Variants in SHTN1 observed in about 807,000 individuals in gnomAD.
SHTN1 encodes shootin 1.
SHTN1 carries 42 observed loss-of-function variants against 83.1 expected under a neutral mutation model. That is an observed-to-expected ratio of 0.51 (90% CI 0.39 to 0.65). SHTN1 has a LOEUF of 0.65. Among genes scored for constraint, SHTN1 ranks in the 30% least tolerant of loss-of-function variants. SHTN1 has a pLI of 0.00. For synonymous variants in SHTN1, 224 were observed against 247.7 expected (o/e 0.90, Z 0.90); for missense variants, 622 against 737.8 (o/e 0.84, Z 1.82).
At chr10:117,034,310 T>A (rs994055097) in intron 2 of SHTN1, among the ~76,000 whole-genome samples, 3 of 152,156 alleles carry the variant, frequency 2.0e-5, no homozygotes, top group African/African-American at 7.2e-5. Flanking sequence ...GTTCTAATAG[T>A]TTTTTGGTAA....
At chr10:117,113,544 T>C (rs1341068105) in intron 1 of SHTN1, among the ~76,000 whole-genome samples, 1 of 136,080 alleles carries the variant, frequency 7.3e-6, no homozygotes, top group Non-Finnish European at 1.7e-5. Flanking sequence ...TTGACCATCA[T>C]TAAGACCTTC....
At chr10:117,025,533 G>T (rs1052993117) in intron 2 of SHTN1, among the ~76,000 whole-genome samples, 10 of 152,136 alleles carry the variant, frequency 6.6e-5, no homozygotes, top group African/African-American at 2.2e-4. Flanking sequence ...CTGAACTGGT[G>T]GTAGGGGTTG....
intron 1 of SHTN1, 134 bp from the exon 2 acceptor site, chr10:116,979,442 C>A: frequency 2.9e-6 from 2 of 694,842 alleles, no homozygotes; most frequent in Non-Finnish European, 5.0e-6. Context: ...AGAAAAGGGG[C>A]TTCTGCTTTT....
intron 3 of SHTN1, among the ~76,000 whole-genome samples, chr10:116,965,130 G>T (rs1342669383): frequency 6.6e-6 from 1 of 152,204 alleles, no homozygotes; most frequent in Non-Finnish European, 1.5e-5. Context: ...TGGACATATG[G>T]ATAAAAACAT....
intron 9 of SHTN1, among the ~76,000 whole-genome samples, chr10:116,940,192 T>G (rs1849317150): frequency 6.6e-6 from 1 of 152,226 alleles, no homozygotes; most frequent in Non-Finnish European, 1.5e-5. Flanking sequence ...AAGCTGTTTT[T>G]AAGTTATACC....
intron 3 of SHTN1, among the ~76,000 whole-genome samples, chr10:116,962,918 G>A (rs955341355): frequency 1.3e-5 from 2 of 151,844 alleles, no homozygotes; most frequent in South Asian, 4.2e-4. Flanking sequence ...TATTTCAAAG[G>A]GTGATTATAT....
upstream of SHTN1, among the ~76,000 whole-genome samples, chr10:117,008,775 A>G (rs1164986359): frequency 1.3e-5 from 2 of 152,250 alleles, no homozygotes; most frequent in Non-Finnish European, 2.9e-5. Flanking sequence ...AAATTTTCTA[A>G]AATTAATTGT....
At chr10:116,959,532 T>C (rs1850103406) in intron 4 of SHTN1, among the ~76,000 whole-genome samples, 3 of 152,138 alleles carry the variant, frequency 2.0e-5, no homozygotes, top group African/African-American at 7.2e-5. Flanking sequence ...CAGATGCATT[T>C]TACCCAACCC....
intron 1 of SHTN1, among the ~76,000 whole-genome samples, chr10:117,086,040 C>A (rs149268382): frequency 0.015 from 2,318 of 151,790 alleles, 68 homozygotes; most frequent in African/African-American, 0.053. Flanking sequence ...CCTGCCTCAG[C>A]CTCCTGAGTA....
chr10:116,909,989 A>T (rs1467042246), intron 14 of SHTN1, among the ~76,000 whole-genome samples: 1 of 152,092 alleles, frequency 6.6e-6, no homozygotes, highest in Non-Finnish European at 1.5e-5. Flanking sequence ...TGAGGTTGGG[A>T]CCATGTGCTT....
chr10:116,900,724 T>C (rs952124119), intron 16 of SHTN1: 5 of 984,304 alleles, frequency 5.1e-6, no homozygotes, highest in African/African-American at 3.5e-5. Context: ...ATAGATCATC[T>C]TTCTGTTAGA....
intron 1 of SHTN1, among the ~76,000 whole-genome samples, chr10:116,993,477 A>G (rs1470498603): frequency 3.3e-5 from 5 of 152,320 alleles, no homozygotes; most frequent in African/African-American, 1.2e-4. Flanking sequence ...TCAGGTTCAC[A>G]TGACTTGGGC....
chr10:116,893,198 C>T lies in SHTN1; in HGVS notation c.1674-6632G>A, dbSNP rs751112526. Among the ~76,000 whole-genome samples the T allele has an allele frequency of 4.6e-5, 7 of 152,186 alleles. No individual in the cohort carries two copies. The East Asian group carries it at 5.8e-4, about 13-fold the overall frequency. ...AGACAATCCTGACAGGCGGATCTTT[C>T]GGGCAGTCCACAGGATAACTCCTTG... On this transcript the variant is annotated intron_variant, in intron 16 of 16. Coordinates refer to ENST00000355371, the MANE Select transcript of SHTN1 (RefSeq NM_001127211.3).
chr10:116,901,172 A>G, intron 16 of SHTN1: 1 of 985,478 alleles, frequency 1.0e-6, no homozygotes, highest in Non-Finnish European at 1.2e-6. Flanking sequence ...AAGAGCTGCC[A>G]TTGTTATAAA....
chr10:117,113,290 T>C (rs750698141), intron 1 of SHTN1, among the ~76,000 whole-genome samples: 4 of 152,168 alleles, frequency 2.6e-5, no homozygotes, highest in African/African-American at 4.8e-5. Context: ...AGGGAAAAGG[T>C]GAAGGGCCAT....
At chr10:116,900,880 A>G in intron 16 of SHTN1, 1 of 985,376 alleles carries the variant, frequency 1.0e-6, no homozygotes, top group Non-Finnish European at 1.2e-6. Flanking sequence ...AATAGTAGCA[A>G]TGAGAGAATG....
At chr10:116,927,711 G>A (rs1318109237) in intron 11 of SHTN1, 81 bp downstream of exon 11, 2 of 1,410,434 alleles carry the variant, frequency 1.4e-6, no homozygotes, top group Admixed American at 5.4e-5. Context: ...TATCTTTCAT[G>A]CTTTTAAGAT....
intron 4 of SHTN1, among the ~76,000 whole-genome samples, chr10:116,956,897 TTA>T (rs1850001902): frequency 1.3e-5 from 2 of 152,226 alleles, no homozygotes; most frequent in South Asian, 4.2e-4. Flanking sequence ...AATGTAAGAT[TTA>T]TATATATGAG....
In SHTN1 at chr10:116,891,581, T is replaced by C. The variant is rs9420219; in HGVS notation, c.1674-5015A>G. On this transcript the variant is annotated intron_variant, in intron 16 of 16. Coordinates refer to ENST00000355371, the MANE Select transcript of SHTN1 (RefSeq NM_001127211.3). Reference sequence around the variant, plus strand: ...AACTCCAAAGAGGAAGTTCCTTTTATATTTTCTCTGGTGTAAAAATAAGGA... The same window carrying C: ...AACTCCAAAGAGGAAGTTCCTTTTACATTTTCTCTGGTGTAAAAATAAGGA... 4.8e-3 allele frequency among the ~76,000 whole-genome samples: 729 copies of C among 152,384 alleles called. 5 individuals are homozygous for C. The highest frequency in any genetic ancestry group is 0.017 in the African/African-American group (706 of 41,592).
Sources: gnomAD v4.1 joint callset for allele counts (sites outside exome capture counted in the v4.1 genomes callset) on GRCh38, gnomAD v4.1.1 for gene constraint, MANE v1.5 for transcripts, NCBI Gene and HGNC (gene_info 2026-07-23, HGNC 2026-07-21) for gene names.